The following TAF7L variants were observed in gnomAD, a reference collection of about 807,000 sequenced individuals.
TAF7L encodes TATA-box binding protein associated factor 7 like, also known as transcription initiation factor TFIID subunit 7-like.
TAF7L carries 6 observed loss-of-function variants against 30.2 expected under a neutral mutation model. That is an observed-to-expected ratio of 0.20 (90% CI 0.11 to 0.39). The LOEUF is 0.39. TAF7L is among the 10% of genes least tolerant of loss of function. The probability of loss-of-function intolerance (pLI) is 1.00; values close to 1 mark genes in which losing one functional copy is unlikely to be tolerated. For synonymous variants in TAF7L, 93 were observed against 94.5 expected (o/e 0.98, Z 0.09); for missense variants, 284 against 277.1 (o/e 1.03, Z -0.18).
chrX:101,269,330 C>G (rs1355709665), intron 12 of TAF7L, 93 bp from the exon 13 acceptor site: 1 of 805,393 alleles, frequency 1.2e-6, no homozygotes, highest in East Asian at 3.2e-5. Context: ...CCAAAAAGAA[C>G]TACTGTTATT....
intron 11 of TAF7L, 47 bp from the exon 12 acceptor site, chrX:101,275,328 A>G: frequency 1.1e-6 from 1 of 926,197 alleles, no homozygotes; most frequent in Admixed American, 3.4e-5. Context: ...CTCAAAGAAA[A>G]AAAAAAAAAC....
chrX:101,283,934 C>T (rs1355684050), intron 3 of TAF7L, among the ~76,000 whole-genome samples: 1 of 105,575 alleles, frequency 9.5e-6, no homozygotes, highest in Non-Finnish European at 1.9e-5. Context: ...AGCATTCAAT[C>T]GTGTCATTGT....
At chrX:101,287,586 T>C (rs772053683) in intron 1 of TAF7L, 41 bp from the exon 2 acceptor site, 1 of 1,072,755 alleles carries the variant, frequency 9.3e-7, no homozygotes, top group East Asian at 3.0e-5. Flanking sequence ...AAACCATCAC[T>C]AAAAACTCCT....
At position 101,268,952 on chromosome X, in the gene TAF7L, T is replaced by C; in HGVS notation, c.*241A>G. The stretch of plus-strand genomic sequence containing the variant: ...CCATTTCTAAATTAATAATAATAAT[T>C]CCCAAATTGACAAAGAGAAAGTCTC... On this transcript the variant is annotated 3_prime_UTR_variant, in exon 13 of 13. Coordinates refer to ENST00000356784, the MANE Select transcript of TAF7L (RefSeq NM_001168474.2). 1 of 289,554 alleles carries C rather than the reference T, an allele frequency of 3.5e-6. No individual in the cohort carries two copies. The highest frequency in any genetic ancestry group is 6.1e-6 in the Non-Finnish European group (1 of 163,386). The allele number at this position is 289,554 out of a possible 1,213,427, so 23.9% of individuals were successfully genotyped here. A position where few individuals can be genotyped will look rare whatever the true frequency, so the allele number is the denominator to read the frequency against.
rs766380500 is a variant in TAF7L at position 101,282,856 on chromosome X, C to T, written c.280-403G>A. On this transcript the variant is annotated intron_variant, in intron 4 of 12. Coordinates refer to ENST00000356784, the MANE Select transcript of TAF7L (RefSeq NM_001168474.2). ...TCATGGCTCACTGCACCCTCGACCTCCTGGGCTCAAGTGATCCTCCCACCT... is the reference window on the plus strand; with the variant it reads ...TCATGGCTCACTGCACCCTCGACCTTCTGGGCTCAAGTGATCCTCCCACCT... 7.2e-5 allele frequency among the ~76,000 whole-genome samples: 8 copies of T among 111,113 alleles called. No homozygotes were observed. The East Asian group carries it at 2.3e-3, about 32-fold the overall frequency.
intron 3 of TAF7L, among the ~76,000 whole-genome samples, chrX:101,286,026 C>T (rs1333318105): frequency 9.1e-6 from 1 of 109,919 alleles, no homozygotes; most frequent in Non-Finnish European, 1.9e-5. Context: ...ACTAAAAATA[C>T]AAAACTTAGC....
At chrX:101,292,941 G>A (rs747607230), upstream of TAF7L, 15 of 1,208,123 alleles carry the variant, frequency 1.2e-5, no homozygotes, top group Non-Finnish European at 1.6e-5. Flanking sequence ...ACCCACGGTC[G>A]ACAAGAATTT....
At chrX:101,288,181 G>A (rs184452742) in intron 1 of TAF7L, among the ~76,000 whole-genome samples, 1,585 of 105,015 alleles carry the variant, frequency 0.015, 42 homozygotes, top group African/African-American at 0.053. Context: ...TCGCTCTGTC[G>A]CCCAGGCTGG....
In TAF7L at chrX:101,276,398, TTCC is replaced by T. The variant is rs1924178701; in HGVS notation, c.819_821del (p.Glu274del). The T allele has an allele frequency of 8.3e-6, 10 of 1,209,173 alleles. 1 individual carries two copies. The highest frequency in any genetic ancestry group is 2.3e-4 in the Middle Eastern group (1 of 4,346). On this transcript the variant is annotated inframe_deletion, in exon 10 of 13. Coordinates refer to ENST00000356784, the MANE Select transcript of TAF7L (RefSeq NM_001168474.2). ...TTTCCAGATACTCTTCAGAACAATC[TTCC>T]TCCTCCTCTTCTTTGTCTTCATCTT... is the stretch of plus-strand genomic sequence containing the variant.
At chrX:101,287,741 C>T in intron 1 of TAF7L, 196 bp from the exon 2 acceptor site, 1 of 343,528 alleles carries the variant, frequency 2.9e-6, no homozygotes, top group Admixed American at 5.5e-5. Flanking sequence ...ACCTTAGCTC[C>T]TCTCCAATAT....
chrX:101,269,836 TA>T (rs1015799101), intron 12 of TAF7L, among the ~76,000 whole-genome samples: 14 of 110,285 alleles, frequency 1.3e-4, no homozygotes, highest in Non-Finnish European at 2.5e-4. Context: ...GAATAGGCTT[TA>T]AAAAAAAACA....
intron 12 of TAF7L, among the ~76,000 whole-genome samples, chrX:101,274,682 G>A (rs766966137): frequency 1.2e-4 from 13 of 111,214 alleles, no homozygotes; most frequent in Non-Finnish European, 2.3e-4. Context: ...CTGAGCTGCT[G>A]GGATAGGCTC....
At chrX:101,281,608 T>C (rs1329114266) in intron 6 of TAF7L, 112 bp downstream of exon 6, 2 of 723,498 alleles carry the variant, frequency 2.8e-6, no homozygotes, top group Non-Finnish European at 4.3e-6. Flanking sequence ...AAATGTTTAT[T>C]GAACATATAA....
At position 101,282,434 on chromosome X, in the gene TAF7L, T is replaced by A; in HGVS notation, c.299A>T (p.Asp100Val). 1 of 1,211,248 alleles carries A rather than the reference T, an allele frequency of 8.3e-7. No individual in the cohort carries two copies. Among genetic ancestry groups the A allele is most frequent in the Non-Finnish European group, 1.1e-6 (1 of 895,214 alleles). The change falls in exon 5 of 13, where the codon GAT becomes GTT. Residue 100 changes from aspartate to valine, a missense_variant. Transcript: ENST00000356784. The part of the protein sequence containing the change: ...DISQMLVCTA[D>V]GDIHLSPEEP... ...TTCTGGAGAAAGGTGGATATCACCA[T>A]CAGCAGTGCACACAAGCATCTACAT... is the stretch of plus-strand genomic sequence containing the variant.
rs1426650682 is a variant in TAF7L at position 101,286,623 on chromosome X, G to A, written c.97C>T (p.Arg33Cys). The change falls in exon 3 of 13, where the codon CGT (arginine) becomes TGT (cysteine). Residue 33 changes from arginine to cysteine, a missense_variant. By Grantham distance (180) the Arg-to-Cys change is radical. Transcript: ENST00000356784. ...TCCTTCATCTTGACACTTTGAGAAC[G>A]TGCTAGGTTCCTGACAGTACAAGCA... The part of the protein sequence containing the change: ...EHACTVRNLA[R>C]SQSVKMKDKL... The A allele has an allele frequency of 2.7e-5, 33 of 1,207,621 alleles. No individual in the cohort carries two copies. The highest frequency in any genetic ancestry group is 7.1e-5 in the South Asian group (4 of 56,449).
rs41310729 is a variant in TAF7L, at chrX:101,269,209, C to T, written c.1115G>A (p.Arg372His). The change falls in exon 13 of 13, where the codon CGT becomes CAT. Residue 372 changes from arginine (R) to histidine (H), a missense_variant. Coordinates refer to ENST00000356784, the MANE Select transcript of TAF7L (RefSeq NM_001168474.2). ...TGGCTCTCCTCACTTCTTCAGAAAA[C>T]GCTGCAACTGTTCCTGTAGGGAAAT... ...KLISLQEQLQ[R>H]FLKK The T allele has an allele frequency of 8.8e-3, 10,676 of 1,207,700 alleles. 41 individuals are homozygous for T. Among genetic ancestry groups the T allele is most frequent in the Middle Eastern group, 0.053 (229 of 4,345 alleles).
At chrX:101,278,239 G>T in intron 7 of TAF7L, 118 bp from the exon 8 acceptor site, 2 of 510,851 alleles carry the variant, frequency 3.9e-6, no homozygotes, top group Non-Finnish European at 3.3e-6. Flanking sequence ...TTTAAATTCT[G>T]ATCCAACCAA....
chrX:101,292,251 AT>A (rs1239523933), upstream of TAF7L, among the ~76,000 whole-genome samples: 711 of 37,994 alleles, frequency 0.019, 16 homozygotes, highest in East Asian at 0.085. Context: ...AAAAAAAAAA[AT>A]AAATAAAAAA....
chrX:101,291,524 G>C (rs1924804606), upstream of TAF7L, among the ~76,000 whole-genome samples: 1 of 112,492 alleles, frequency 8.9e-6, no homozygotes, highest in African/African-American at 3.2e-5. Context: ...GAGGGCTGAG[G>C]GGGACGCGAC....
Sources: gnomAD v4.1 joint callset for allele counts (sites outside exome capture counted in the v4.1 genomes callset) on GRCh38, gnomAD v4.1.1 for gene constraint, MANE v1.5 for transcripts, NCBI Gene and HGNC (gene_info 2026-07-23, HGNC 2026-07-21) for gene names.